Variants in SRGAP3 observed in about 807,000 individuals in gnomAD.
SRGAP3 encodes SLIT-ROBO Rho GTPase activating protein 3, also known as SLIT-ROBO Rho GTPase-activating protein 3.
Under a neutral mutation model 121.1 loss-of-function variants are expected in SRGAP3, and 39 were observed. The observed-to-expected ratio is 0.32, with a 90% CI of 0.25 to 0.42. The LOEUF (loss-of-function observed/expected upper bound fraction) is 0.42, where lower values mean the gene tolerates loss of function less well. Ranked by LOEUF, SRGAP3 falls within the 10% of genes least tolerant of loss-of-function variation. SRGAP3 has a pLI of 1.00. For missense variants in SRGAP3, 1,213 were observed against 1,470.6 expected (o/e 0.82, Z 2.86); for synonymous variants, 601 against 570.0 (o/e 1.05, Z -0.77).
intron 18 of SRGAP3, among the ~76,000 whole-genome samples, chr3:9,003,498 AC>A (rs1942882665): frequency 6.6e-6 from 1 of 151,754 alleles, no homozygotes. Context: ...AAACAAACAA[AC>A]AAACAAAAAA....
In SRGAP3 at chr3:9,228,987, G is replaced by A. The variant is rs367547685; in HGVS notation, c.67+19898C>T. Among the ~76,000 whole-genome samples the A allele has an allele frequency of 9.3e-5, 14 of 151,066 alleles. No individual in the cohort carries two copies. In the East Asian group the frequency reaches 1.2e-3, roughly 13 times the overall value. On this transcript the variant is annotated intron_variant, in intron 1 of 21. Transcript: ENST00000383836. ...TGAGGCAGGAGAATGGCGTGAACCC[G>A]GGAAGCGGAGCTTGCAGTGAGCCGA...
intron 19 of SRGAP3, 52 bp downstream of exon 19, chr3:8,994,291 G>A: frequency 6.2e-7 from 1 of 1,609,368 alleles, no homozygotes; most frequent in Non-Finnish European, 8.5e-7. Flanking sequence ...GCCCATCCCA[G>A]ACATCACTAA....
chr3:9,022,767 G>C (rs1943991814), intron 14 of SRGAP3, among the ~76,000 whole-genome samples: 1 of 152,216 alleles, frequency 6.6e-6, no homozygotes, highest in Admixed American at 6.5e-5. Context: ...AGAAGGACCA[G>C]GCTGGCGAGA....
At chr3:9,024,746 T>C (rs993673022) in intron 14 of SRGAP3, among the ~76,000 whole-genome samples, 1 of 152,198 alleles carries the variant, frequency 6.6e-6, no homozygotes, top group Non-Finnish European at 1.5e-5. Flanking sequence ...AAACACTGCA[T>C]AAAAAATTAA....
chr3:9,036,757 T>G (rs1944765503), intron 11 of SRGAP3: 1 of 152,218 alleles, frequency 6.6e-6, no homozygotes, highest in Admixed American at 6.5e-5. Context: ...TCTGTTTCAC[T>G]ATTTGCAGAA....
chr3:9,193,783 G>C (rs1951835334), intron 1 of SRGAP3: 1 of 152,370 alleles, frequency 6.6e-6, no homozygotes, highest in Non-Finnish European at 1.5e-5. Context: ...ACATGGCAAA[G>C]AGTGGCCAGG....
chr3:9,182,896 G>A lies in SRGAP3; in HGVS notation c.68-57979C>T, dbSNP rs551881224. ...TGGTCTTGAACTCCTGGCCTCAAGT[G>A]ATCCTCCCACCTCAGCCTCCCAAAG... On this transcript the variant is annotated intron_variant, in intron 1 of 21. Transcript: ENST00000383836. 3.3e-5 allele frequency among the ~76,000 whole-genome samples: 5 copies of A among 152,170 alleles called. No homozygotes were observed. In the East Asian group the frequency reaches 9.7e-4, roughly 29 times the overall value.
intron 1 of SRGAP3, among the ~76,000 whole-genome samples, chr3:9,205,042 C>T (rs1952215980): frequency 6.6e-6 from 1 of 152,214 alleles, no homozygotes; most frequent in Non-Finnish European, 1.5e-5. Context: ...CAGCCTGGAG[C>T]TCTGGGAGAG....
intron 3 of SRGAP3, among the ~76,000 whole-genome samples, chr3:9,286,448 A>T (rs983640671): frequency 6.6e-6 from 1 of 151,346 alleles, no homozygotes; most frequent in Non-Finnish European, 1.5e-5. Flanking sequence ...ATCACTTGAG[A>T]CCAGGAGTTC....
intron 1 of SRGAP3, among the ~76,000 whole-genome samples, chr3:9,169,483 T>C (rs1411456707): frequency 6.6e-6 from 1 of 152,190 alleles, no homozygotes; most frequent in Non-Finnish European, 1.5e-5. Flanking sequence ...GAGAACAGTA[T>C]GTACAAAGGT....
At chr3:9,045,380 T>A (rs1384973143) in intron 10 of SRGAP3, among the ~76,000 whole-genome samples, 1 of 152,136 alleles carries the variant, frequency 6.6e-6, no homozygotes, top group East Asian at 1.9e-4. Context: ...GGTTTTTTTT[T>A]ATTGCTAATC....
intron 21 of SRGAP3, among the ~76,000 whole-genome samples, chr3:8,990,158 G>C (rs1941950730): frequency 6.6e-6 from 1 of 152,230 alleles, no homozygotes; most frequent in Non-Finnish European, 1.5e-5. Context: ...TGAATGAATT[G>C]ATGAATGAAG....
At chr3:9,183,760 AT>A (rs139640069) in intron 1 of SRGAP3, among the ~76,000 whole-genome samples, 12,762 of 128,326 alleles carry the variant, frequency 0.099, 610 homozygotes, top group Middle Eastern at 0.21. Context: ...TAAAACACAA[AT>A]TTGCTAACAC....
intron 1 of SRGAP3, among the ~76,000 whole-genome samples, chr3:9,189,428 T>C (rs1482199664): frequency 6.6e-6 from 1 of 152,240 alleles, no homozygotes; most frequent in Non-Finnish European, 1.5e-5. Context: ...GGCAGAGCTG[T>C]ATGGGAAGGG....
At position 9,104,698 on chromosome 3, in the gene SRGAP3, G is replaced by T; in HGVS notation, c.405C>A (p.Val135=). 6.2e-7 allele frequency: 1 copy of T among 1,614,164 alleles called. No individual in the cohort carries two copies. Among genetic ancestry groups the T allele is most frequent in the South Asian group, 1.1e-5 (1 of 91,062 alleles). Residue 135 remains valine, a synonymous_variant, in exon 3 of 22, where the codon GTC becomes GTA. Coordinates refer to ENST00000383836, the MANE Select transcript of SRGAP3 (RefSeq NM_014850.4). ...IVRLSQISED[V]IRLFKKSKEI... Reference sequence around the variant, plus strand: ...TGCCTACCTTTTTGAAGAGTCTGATGACATCCTCACTGATCTGGGAGAGGC... The same window carrying T: ...TGCCTACCTTTTTGAAGAGTCTGATTACATCCTCACTGATCTGGGAGAGGC...
At chr3:9,250,177 A>G (rs11131163), upstream of SRGAP3, among the ~76,000 whole-genome samples, 37,532 of 152,186 alleles carry the variant, frequency 0.25, 5,736 homozygotes, top group Middle Eastern at 0.34. Flanking sequence ...ACTGAGCCTC[A>G]GTTTCCTAGA....
intron 1 of SRGAP3, chr3:9,192,565 A>G (rs1574844184): frequency 6.7e-6 from 1 of 149,832 alleles, no homozygotes; most frequent in South Asian, 2.1e-4. Flanking sequence ...CTCCCCCGGG[A>G]GAGGACAACT....
Position 9,334,051 on chromosome 3 carries a change from TTTAATA to T in SRGAP3, n.215-3461_215-3456del, listed in dbSNP as rs1469406842. 4.7e-4 allele frequency among the ~76,000 whole-genome samples: 71 copies of T among 151,850 alleles called. 1 individual carries two copies. The highest frequency in any genetic ancestry group is 1.6e-3 in the African/African-American group (68 of 41,226). On this transcript the variant is annotated intron_variant and non_coding_transcript_variant, in intron 1 of 3. Coordinates refer to the SRGAP3 transcript ENST00000490889. Reference sequence around the variant, plus strand: ...CCTCTGTTTCCTCATATTTTAATATTTTAATATTAATATTAATATCATTTAACATGA... The same window carrying T: ...CCTCTGTTTCCTCATATTTTAATATTTTAATATTAATATCATTTAACATGA...
At chr3:9,347,342 T>A (rs898943321) in intron 1 of SRGAP3, among the ~76,000 whole-genome samples, 2 of 152,120 alleles carry the variant, frequency 1.3e-5, no homozygotes, top group Non-Finnish European at 2.9e-5. Flanking sequence ...TAGGCATACA[T>A]CTATGTATAA....
Sources: allele counts gnomAD v4.1 joint callset (sites outside exome capture counted in the v4.1 genomes callset), GRCh38; gene constraint gnomAD v4.1.1; transcripts MANE v1.5; gene names NCBI Gene and HGNC (gene_info 2026-07-23, HGNC 2026-07-21).